Variants in SLC16A9 observed in about 807,000 individuals in gnomAD.
The protein encoded by SLC16A9 is solute carrier family 16 member 9, also known as monocarboxylate transporter 9.
SLC16A9 carries 26 observed loss-of-function variants against 44.3 expected under a neutral mutation model. The ratio of observed to expected loss-of-function variants is 0.59; its 90% CI spans 0.43 to 0.81. SLC16A9 has a LOEUF of 0.81. Among genes scored for constraint, SLC16A9 ranks in the 40% least tolerant of loss-of-function variants. SLC16A9 has a pLI of 0.00. For missense variants in SLC16A9, 559 were observed against 595.8 expected, an observed-to-expected ratio of 0.94 and a Z score of 0.64; for synonymous variants, 230 against 225.1, an observed-to-expected ratio of 1.02 and a Z score of -0.19.
chr10:59,653,833 A>G lies in SLC16A9; in HGVS notation c.1193T>C (p.Leu398Ser). 6.2e-7 allele frequency: 1 copy of G among 1,614,208 alleles called. No individual in the cohort carries two copies. Among genetic ancestry groups the G allele is most frequent in the Non-Finnish European group, 8.5e-7 (1 of 1,180,034 alleles). The part of the protein sequence containing the change: ...AIPFAKSYVT[L>S]ALLSGILGFL... The stretch of plus-strand genomic sequence containing the variant: ...CCCTAGGATCCCAGAAAGCAACGCC[A>G]ATGTGACATAGCTTTTGGCAAATGG... The change falls in exon 5 of 6, where the codon TTG becomes TCG. Residue 398 changes from leucine (L) to serine (S), a missense_variant. Transcript: ENST00000395348.
chr10:59,688,839 A>G (rs1395791197), intron 1 of SLC16A9, among the ~76,000 whole-genome samples: 1 of 151,730 alleles, frequency 6.6e-6, no homozygotes, highest in Non-Finnish European at 1.5e-5. Context: ...AAAGCACCAG[A>G]ATCATGAATA....
intron 3 of SLC16A9, among the ~76,000 whole-genome samples, chr10:59,664,654 A>C (rs141681421): frequency 6.6e-4 from 100 of 152,320 alleles, no homozygotes; most frequent in African/African-American, 2.3e-3. Flanking sequence ...AATTTGATCA[A>C]GTTTGCCCCT....
chr10:59,670,146 A>C (rs544774503), intron 3 of SLC16A9, among the ~76,000 whole-genome samples: 36 of 152,330 alleles, frequency 2.4e-4, no homozygotes, highest in African/African-American at 8.2e-4. Flanking sequence ...CAGTAGCCAA[A>C]AACTACTGCT....
rs927972016 is a variant in SLC16A9 at position 59,676,951 on chromosome 10, A to G, written c.197-4038T>C. On this transcript the variant is annotated intron_variant, in intron 2 of 5. Transcript: ENST00000395348. ...AAAAAAAAAAAAAAAAGTAATAACC[A>G]TCTATTATTACTACTGCTTAATTAG... 2.0e-5 allele frequency among the ~76,000 whole-genome samples: 3 copies of G among 150,220 alleles called. No homozygotes were observed. The Admixed American group carries it at 2.0e-4, about 10-fold the overall frequency.
chr10:59,676,392 T>C (rs1839858146), intron 2 of SLC16A9, among the ~76,000 whole-genome samples: 1 of 152,204 alleles, frequency 6.6e-6, no homozygotes. Flanking sequence ...AAACCATCTA[T>C]TATTCCTCAG....
At chr10:59,688,119 T>A (rs1288397404) in intron 1 of SLC16A9, among the ~76,000 whole-genome samples, 1 of 152,216 alleles carries the variant, frequency 6.6e-6, no homozygotes, top group Non-Finnish European at 1.5e-5. Context: ...CTCTTCACTA[T>A]GCCAGGTTTA....
intron 3 of SLC16A9, among the ~76,000 whole-genome samples, chr10:59,671,853 C>G (rs925067831): frequency 6.6e-6 from 1 of 152,106 alleles, no homozygotes; most frequent in Non-Finnish European, 1.5e-5. Context: ...CTTCACTTTC[C>G]CTCTCTGTAA....
At position 59,660,904 on chromosome 10, in the gene SLC16A9, A is replaced by G. The variant is rs1204898390; in HGVS notation, c.436+3323T>C. ...ATAAACAAAACCAATGACAAAAACC[A>G]AATGATTATCTCAGTAGATGCAGAA... is the stretch of plus-strand genomic sequence containing the variant. On this transcript the variant is annotated intron_variant, in intron 4 of 5. Transcript: ENST00000395348. 3.9e-5 allele frequency among the ~76,000 whole-genome samples: 6 copies of G among 152,318 alleles called. No individual in the cohort carries two copies. The East Asian group carries it at 9.6e-4, about 24-fold the overall frequency.
chr10:59,655,625 A>T (rs1353077995), intron 4 of SLC16A9, among the ~76,000 whole-genome samples: 2 of 152,164 alleles, frequency 1.3e-5, no homozygotes, highest in African/African-American at 2.4e-5. Context: ...CCTTTTTAGC[A>T]CTGATCACAC....
chr10:59,680,227 T>C (rs1249329026), intron 2 of SLC16A9, among the ~76,000 whole-genome samples: 2 of 152,178 alleles, frequency 1.3e-5, no homozygotes, highest in African/African-American at 2.4e-5. Context: ...TTCTTCTCAA[T>C]TATTTAAGTC....
intron 1 of SLC16A9, among the ~76,000 whole-genome samples, chr10:59,686,790 T>C (rs1588985978): frequency 1.3e-5 from 2 of 152,232 alleles, no homozygotes; most frequent in East Asian, 3.8e-4. Context: ...ATTTCCTTTT[T>C]TATAAAATCA....
At chr10:59,691,410 G>T (rs1451672385) in intron 1 of SLC16A9, among the ~76,000 whole-genome samples, 1 of 152,112 alleles carries the variant, frequency 6.6e-6, no homozygotes, top group African/African-American at 2.4e-5. Context: ...AGGGTTTAAA[G>T]AAGTTTCACA....
intron 3 of SLC16A9, among the ~76,000 whole-genome samples, chr10:59,669,634 A>G (rs2132443295): frequency 6.6e-6 from 1 of 152,258 alleles, no homozygotes; most frequent in Non-Finnish European, 1.5e-5. Context: ...TCAGGAGCTC[A>G]AGACCAGCCT....
rs572669650 is a variant in SLC16A9 at position 59,658,533 on chromosome 10, C to T, written c.437-3944G>A. On this transcript the variant is annotated intron_variant, in intron 4 of 5. Transcript: ENST00000395348. The stretch of plus-strand genomic sequence containing the variant: ...GGATTCAAAACTAGACAGTGTGGAT[C>T]CAGGCTTGTGCTTCTAACTCGATGT... Among the ~76,000 whole-genome samples the T allele has an allele frequency of 3.3e-5, 5 of 152,266 alleles. No individual in the cohort carries two copies. The South Asian group carries it at 1.0e-3, about 32-fold the overall frequency.
At chr10:59,653,301 C>T (rs899293715) in intron 5 of SLC16A9, among the ~76,000 whole-genome samples, 1 of 151,524 alleles carries the variant, frequency 6.6e-6, no homozygotes, top group African/African-American at 2.4e-5. Flanking sequence ...TGGCAGGTGC[C>T]TTTAGTCCCA....
intron 3 of SLC16A9, among the ~76,000 whole-genome samples, chr10:59,667,772 T>C (rs541383944): frequency 1.9e-4 from 29 of 152,316 alleles, no homozygotes; most frequent in Admixed American, 2.6e-4. Flanking sequence ...CAACCTCCAG[T>C]AAAAGAATAA....
In SLC16A9 at chr10:59,674,760, G is replaced by A. The variant is rs1327912981; in HGVS notation, c.197-1847C>T. Among the ~76,000 whole-genome samples the A allele has an allele frequency of 2.0e-5, 3 of 152,240 alleles. No individual in the cohort carries two copies. In the East Asian group the frequency reaches 5.8e-4, roughly 29 times the overall value. ...ATTGAAACACACAGAGATTATTCCT[G>A]GCATACTTGAAAAGTTTCAAGTTTC... On this transcript the variant is annotated intron_variant, in intron 2 of 5. Transcript: ENST00000395348.
intron 1 of SLC16A9, among the ~76,000 whole-genome samples, chr10:59,689,051 G>A (rs1050698667): frequency 4.6e-5 from 7 of 152,230 alleles, no homozygotes; most frequent in East Asian, 3.9e-4. Flanking sequence ...AAATATTTAA[G>A]AGAGCAAACC....
At chr10:59,655,681 C>T (rs1221769348) in intron 4 of SLC16A9, among the ~76,000 whole-genome samples, 1 of 152,170 alleles carries the variant, frequency 6.6e-6, no homozygotes, top group Non-Finnish European at 1.5e-5. Flanking sequence ...TCAATTGGTA[C>T]TGTTCTCATC....
Sources: gnomAD v4.1 joint callset for allele counts (sites outside exome capture counted in the v4.1 genomes callset) on GRCh38, gnomAD v4.1.1 for gene constraint, MANE v1.5 for transcripts, NCBI Gene and HGNC (gene_info 2026-07-23, HGNC 2026-07-21) for gene names.